The following UTRN variants were observed in gnomAD, a reference collection of about 807,000 sequenced individuals.
The protein encoded by UTRN is utrophin.
UTRN carries 283 observed loss-of-function variants against 463.9 expected under a neutral mutation model. The ratio of observed to expected loss-of-function variants is 0.61; its 90% CI spans 0.55 to 0.67. The LOEUF (loss-of-function observed/expected upper bound fraction) is 0.67. Ranked by LOEUF, UTRN falls within the 30% of genes least tolerant of loss-of-function variation. The pLI, the probability that UTRN is intolerant of heterozygous loss-of-function variation, is 0.00. For missense variants in UTRN, 3,922 were observed against 4,084.3 expected, an observed-to-expected ratio of 0.96 and a Z score of 1.08; for synonymous variants, 1,442 against 1,431.5, an observed-to-expected ratio of 1.01 and a Z score of -0.17.
intron 27 of UTRN, among the ~76,000 whole-genome samples, chr6:144,484,223 T>C (rs2128575238): frequency 6.6e-6 from 1 of 152,276 alleles, no homozygotes; most frequent in South Asian, 2.1e-4. Context: ...AAGAACAGTA[T>C]AACTCCAGTT....
chr6:144,607,720 G>A (rs1241460624), intron 51 of UTRN, among the ~76,000 whole-genome samples: 1 of 152,106 alleles, frequency 6.6e-6, no homozygotes, highest in Non-Finnish European at 1.5e-5. Context: ...ATAAACTACA[G>A]TACATTTTTT....
At chr6:144,844,516 A>G (rs1170071316) in intron 73 of UTRN, among the ~76,000 whole-genome samples, 1 of 151,966 alleles carries the variant, frequency 6.6e-6, no homozygotes, top group Non-Finnish European at 1.5e-5. Context: ...TGACCCACCC[A>G]CCCTGGCCTC....
intron 51 of UTRN, among the ~76,000 whole-genome samples, chr6:144,653,458 C>T (rs766559596): frequency 4.6e-5 from 7 of 151,920 alleles, no homozygotes; most frequent in East Asian, 1.9e-4. Context: ...TGGTGGCAGG[C>T]GCCTGTAGTC....
chr6:144,670,767 A>C (rs781684180), intron 51 of UTRN, among the ~76,000 whole-genome samples: 6 of 152,156 alleles, frequency 3.9e-5, no homozygotes, highest in Non-Finnish European at 7.4e-5. Flanking sequence ...TTATGGTTTC[A>C]GATCTTAGAT....
In UTRN at chr6:144,548,736, TTGATA is replaced by T. The variant is rs1209766615; in HGVS notation, c.6693_6697del (p.Asp2232AsnfsTer31). The T allele has an allele frequency of 6.2e-7, 1 of 1,614,112 alleles. No homozygotes were observed. The highest frequency in any genetic ancestry group is 2.2e-5 in the East Asian group (1 of 44,862). Reference sequence around the variant, plus strand: ...TCGGAAATTTCAATTCCTGCTGATCTTGATAAAACTATAACAGAACTAGCCGACTG... The same window carrying T: ...TCGGAAATTTCAATTCCTGCTGATCTAAACTATAACAGAACTAGCCGACTG... On this transcript the variant is annotated frameshift_variant, in exon 47 of 75. Transcript: ENST00000367545. LOFTEE classifies it high-confidence loss of function.
At chr6:144,424,587 A>G (rs1365336531) in intron 6 of UTRN, among the ~76,000 whole-genome samples, 1 of 152,212 alleles carries the variant, frequency 6.6e-6, no homozygotes, top group African/African-American at 2.4e-5. Flanking sequence ...AACAATTTTC[A>G]ATGGAAGAGG....
intron 34 of UTRN, among the ~76,000 whole-genome samples, chr6:144,503,263 A>T (rs1200674108): frequency 5.3e-5 from 8 of 151,946 alleles, no homozygotes; most frequent in African/African-American, 1.9e-4. Flanking sequence ...TATAGATCTT[A>T]TTTGTCAATT....
chr6:144,690,095 TTGTGTGTGTG>T (rs1554339292), intron 52 of UTRN, among the ~76,000 whole-genome samples: 15 of 33,438 alleles, frequency 4.5e-4, no homozygotes, highest in African/African-American at 1.9e-3. Flanking sequence ...TTTTTTTTTT[TTGTGTGTGTG>T]TGTGTGTGTG....
chr6:144,499,774 G>T (rs949686102), intron 34 of UTRN, among the ~76,000 whole-genome samples: 1 of 151,898 alleles, frequency 6.6e-6, no homozygotes, highest in Admixed American at 6.6e-5. Flanking sequence ...TCTGTTTCTC[G>T]CCCCTCTACT....
At position 144,827,370 on chromosome 6, in the gene UTRN, T is replaced by C. The variant is rs199650399; in HGVS notation, c.9517T>C (p.Trp3173Arg). ...CAGTCCTATCACACTCATCAGTATG[T>C]GGCCAGAGCACTATGAGTGAGTATT... is the stretch of plus-strand genomic sequence containing the variant. ...LETPITLISMWPEHYDPSQSP... is the reference protein window; with the variant it reads ...LETPITLISMRPEHYDPSQSP... The change falls in exon 67 of 75, where the codon TGG becomes CGG. Residue 3173 changes from tryptophan (W) to arginine (R), a missense_variant. By Grantham distance (101) the Trp-to-Arg change is moderately radical (BLOSUM62 -3). This residue lies in a region of UTRN where 1,309 missense variants were observed against 1,452.6 expected (regional missense o/e 0.90). Coordinates refer to ENST00000367545, the MANE Select transcript of UTRN (RefSeq NM_007124.3). The C allele has an allele frequency of 4.3e-6, 7 of 1,613,510 alleles. No individual in the cohort carries two copies. The Admixed American group carries it at 1.0e-4, about 23-fold the overall frequency.
intron 50 of UTRN, among the ~76,000 whole-genome samples, chr6:144,560,299 G>A (rs764010198): frequency 5.5e-4 from 84 of 152,018 alleles, no homozygotes; most frequent in Admixed American, 2.4e-3. Flanking sequence ...ACTGTCAGCC[G>A]TTGCTGACAT....
At chr6:144,678,950 A>G (rs1454708962) in intron 52 of UTRN, among the ~76,000 whole-genome samples, 1 of 152,128 alleles carries the variant, frequency 6.6e-6, no homozygotes, top group Admixed American at 6.6e-5. Flanking sequence ...GGGTGGTAAC[A>G]TTATTTCTTC....
At chr6:144,712,096 G>T (rs1234570204) in intron 53 of UTRN, among the ~76,000 whole-genome samples, 1 of 152,050 alleles carries the variant, frequency 6.6e-6, no homozygotes, top group East Asian at 1.9e-4. Context: ...CCTACAGTGG[G>T]AAACTTGTCT....
In UTRN at chr6:144,748,412, C is replaced by A. The variant is rs772054866; in HGVS notation, c.8106C>A (p.Asp2702Glu). 1.9e-6 allele frequency: 3 copies of A among 1,613,882 alleles called. No individual in the cohort carries two copies. Among genetic ancestry groups the A allele is most frequent in the South Asian group, 2.2e-5 (2 of 91,082 alleles). The change falls in exon 55 of 75, where the codon GAC becomes GAA. Residue 2702 changes from aspartate (D) to glutamate (E), a missense_variant. Coordinates refer to ENST00000367545, the MANE Select transcript of UTRN (RefSeq NM_007124.3). ...KLRDLQGAMD[D>E]LDADMKEAES... ...GAGACCTGCAGGGAGCTATGGATGA[C>A]CTGGACGCTGACATGAAGGAGGCAG...
At chr6:144,766,108 C>T (rs1334893921) in intron 58 of UTRN, among the ~76,000 whole-genome samples, 2 of 151,938 alleles carry the variant, frequency 1.3e-5, no homozygotes, top group Admixed American at 6.6e-5. Flanking sequence ...CTTTTCCACA[C>T]AGACACACAC....
chr6:144,630,925 AAAG>A (rs907213253), intron 51 of UTRN, among the ~76,000 whole-genome samples: 6 of 152,068 alleles, frequency 3.9e-5, no homozygotes, highest in African/African-American at 1.4e-4. Flanking sequence ...CATGTAAAAA[AAAG>A]AAGAAGAAAG....
chr6:144,490,290 G>A, intron 31 of UTRN, 91 bp downstream of exon 31: 3 of 1,501,932 alleles, frequency 2.0e-6, no homozygotes, highest in Non-Finnish European at 2.7e-6. Flanking sequence ...GGCACCGTTT[G>A]TATTCTTTGT....
chr6:144,577,367 C>T, intron 51 of UTRN, 79 bp downstream of exon 51: 3 of 1,434,922 alleles, frequency 2.1e-6, no homozygotes, highest in African/African-American at 1.4e-5. Context: ...ATGTGTTACC[C>T]TTAAAAGGTG....
At chr6:144,455,109 A>G (rs1016790993) in intron 19 of UTRN, among the ~76,000 whole-genome samples, 16 of 152,292 alleles carry the variant, frequency 1.1e-4, no homozygotes, top group Admixed American at 9.2e-4. Flanking sequence ...ACACACAAAC[A>G]TATATAGATA....
Sources: allele counts gnomAD v4.1 joint callset (sites outside exome capture counted in the v4.1 genomes callset), GRCh38; gene constraint gnomAD v4.1.1; regional missense constraint gnomAD v4.1.1; transcripts MANE v1.5; gene names NCBI Gene and HGNC (gene_info 2026-07-23, HGNC 2026-07-21).